The following SPMAP2L variants were observed in gnomAD, a reference collection of about 807,000 sequenced individuals.
SPMAP2L encodes sperm microtubule associated protein 2-like.
At chr4:56,559,374 C>A in the SPMAP2L span, 2 of 1,339,472 alleles carry the variant, frequency 1.5e-6, no homozygotes, top group Non-Finnish European at 1.9e-6. Flanking sequence ...ACCATTTTAT[C>A]TGTATGCTTC....
At chr4:56,621,281 TC>T in the SPMAP2L span, among the ~76,000 whole-genome samples, 1 of 151,258 alleles carries the variant, frequency 6.6e-6, no homozygotes, top group African/African-American at 2.4e-5. Flanking sequence ...GTTTTTGTAC[TC>T]CCAGAATTCA....
chr4:56,537,056 G>A, the SPMAP2L span, among the ~76,000 whole-genome samples: 1 of 152,044 alleles, frequency 6.6e-6, no homozygotes, highest in South Asian at 2.1e-4. Context: ...GAGCCACCAC[G>A]CCCGGCCAAT....
the SPMAP2L span, chr4:56,593,511 T>C: frequency 6.3e-7 from 1 of 1,599,860 alleles, no homozygotes; most frequent in Non-Finnish European, 8.6e-7. Flanking sequence ...CTCATCAGAG[T>C]GGGAGCCTGG....
the SPMAP2L span, among the ~76,000 whole-genome samples, chr4:56,604,355 T>G: frequency 3.3e-5 from 5 of 152,150 alleles, no homozygotes; most frequent in Non-Finnish European, 7.3e-5. Flanking sequence ...GAAACAAAAA[T>G]TTTTATTTAG....
the SPMAP2L span, among the ~76,000 whole-genome samples, chr4:56,558,532 G>T: frequency 6.6e-6 from 1 of 152,086 alleles, no homozygotes; most frequent in Non-Finnish European, 1.5e-5. Flanking sequence ...GTTCTTGGAC[G>T]GCATCATTTG....
the SPMAP2L span, among the ~76,000 whole-genome samples, chr4:56,564,556 A>G: frequency 6.6e-6 from 1 of 152,086 alleles, no homozygotes; most frequent in African/African-American, 2.4e-5. Context: ...CATTTCTGGT[A>G]TTGGTAGGTT....
chr4:56,594,208 C>A, the SPMAP2L span: 4 of 1,610,598 alleles, frequency 2.5e-6, no homozygotes, highest in African/African-American at 1.3e-5. Flanking sequence ...AGAGGACCAG[C>A]CCGTTCCTCA....
the SPMAP2L span, among the ~76,000 whole-genome samples, chr4:56,543,893 AGAGTGT>A: frequency 7.9e-4 from 104 of 132,466 alleles, no homozygotes; most frequent in African/African-American, 3.3e-3. Context: ...AGAGAGAGAG[AGAGTGT>A]GTGTGTGTGT....
At chr4:56,573,824 G>A in the SPMAP2L span, among the ~76,000 whole-genome samples, 1 of 151,740 alleles carries the variant, frequency 6.6e-6, no homozygotes, top group Non-Finnish European at 1.5e-5. Context: ...CAGGCCTCAA[G>A]ACTGGGTGGT....
At chr4:56,538,329 C>T in the SPMAP2L span, among the ~76,000 whole-genome samples, 1 of 152,148 alleles carries the variant, frequency 6.6e-6, no homozygotes, top group East Asian at 1.9e-4. Flanking sequence ...CTCTACCTGG[C>T]ATGCCTATTT....
At chr4:56,622,392 G>T in the SPMAP2L span, among the ~76,000 whole-genome samples, 1 of 152,176 alleles carries the variant, frequency 6.6e-6, no homozygotes, top group Non-Finnish European at 1.5e-5. Flanking sequence ...TTCTCATTTG[G>T]TTGACTGTCA....
chr4:56,534,342 T>C, the SPMAP2L span, among the ~76,000 whole-genome samples: 2 of 152,238 alleles, frequency 1.3e-5, no homozygotes. Flanking sequence ...ACTTGACTTC[T>C]GGGATGCCTC....
At chr4:56,573,051 A>G in the SPMAP2L span, among the ~76,000 whole-genome samples, 1 of 151,678 alleles carries the variant, frequency 6.6e-6, no homozygotes, top group Non-Finnish European at 1.5e-5. Context: ...TACCTGCTAC[A>G]TTGACAGCGC....
chr4:56,586,642 T>G, the SPMAP2L span, among the ~76,000 whole-genome samples: 1 of 152,224 alleles, frequency 6.6e-6, no homozygotes, highest in Admixed American at 6.5e-5. Context: ...TTCCTTCATA[T>G]GGTCTCTCCA....
chr4:56,549,315 T>A, the SPMAP2L span, among the ~76,000 whole-genome samples: 1 of 152,114 alleles, frequency 6.6e-6, no homozygotes, highest in East Asian at 1.9e-4. Flanking sequence ...CTTAGTTTTT[T>A]ACTTGTTTGC....
chr4:56,583,711 G>T, the SPMAP2L span, among the ~76,000 whole-genome samples: 2 of 152,264 alleles, frequency 1.3e-5, no homozygotes, highest in African/African-American at 4.8e-5. Flanking sequence ...CATTGCAGAG[G>T]GGCCCTCAGT....
chr4:56,574,218 G>A, the SPMAP2L span, among the ~76,000 whole-genome samples: 2 of 152,118 alleles, frequency 1.3e-5, no homozygotes, highest in South Asian at 4.2e-4. Context: ...ATAGGCATTC[G>A]AGGCTAGCCT....
the SPMAP2L span, among the ~76,000 whole-genome samples, chr4:56,614,678 G>A: frequency 1.3e-5 from 2 of 151,940 alleles, no homozygotes; most frequent in East Asian, 3.9e-4. Context: ...CTCTGATCTT[G>A]CCTCCAGCAT....
chr4:56,535,714 G>A, the SPMAP2L span, among the ~76,000 whole-genome samples: 499 of 152,276 alleles, frequency 3.3e-3, 6 homozygotes, highest in African/African-American at 0.011. Context: ...CTCCAGCTGG[G>A]TTCTTGTCTT....
Sources: allele counts gnomAD v4.1 joint callset (sites outside exome capture counted in the v4.1 genomes callset), GRCh38; gene constraint gnomAD v4.1.1; transcripts MANE v1.5; gene names NCBI Gene and HGNC (gene_info 2026-07-23, HGNC 2026-07-21).